The following AKAP8 variants were observed in gnomAD, a reference collection of about 807,000 sequenced individuals.
AKAP8 encodes A-kinase anchor protein 8.
In AKAP8, 24 loss-of-function variants were observed where a neutral mutation model predicts 67.5. That is an observed-to-expected ratio of 0.36 (90% confidence interval 0.26 to 0.50). The LOEUF is 0.50. Among genes scored for constraint, AKAP8 ranks in the 20% least tolerant of loss-of-function variants. AKAP8 has a pLI of 0.97. For missense variants in AKAP8, 971 were observed against 955.9 expected (o/e 1.02, Z -0.21); for synonymous variants, 400 against 371.1 (o/e 1.08, Z -0.90).
chr19:15,355,374 G>C lies in AKAP8; in HGVS notation c.1624-4C>G. On this transcript the variant is annotated splice_region_variant and splice_polypyrimidine_tract_variant and intron_variant, in intron 13 of 13. Coordinates refer to ENST00000269701, the MANE Select transcript of AKAP8 (RefSeq NM_005858.4). Reference sequence around the variant, plus strand: ...CACTGGTGAAAGGGTCCTCACCCTGGCCAAAGAGGAAACACCGGTCAGCGT... The same window carrying C: ...CACTGGTGAAAGGGTCCTCACCCTGCCCAAAGAGGAAACACCGGTCAGCGT... 1 of 1,608,944 alleles carries C rather than the reference G, an allele frequency of 6.2e-7. No homozygotes were observed. The highest frequency in any genetic ancestry group is 1.7e-5 in the Admixed American group (1 of 59,788).
chr19:15,377,059 A>G, intron 1 of AKAP8, 45 bp from the exon 2 acceptor site: 1 of 1,601,052 alleles, frequency 6.2e-7, no homozygotes, highest in South Asian at 1.1e-5. Flanking sequence ...GTCACACCAG[A>G]GAACGGGTCC....
Position 15,379,765 on chromosome 19 carries a change from C to CT in AKAP8, c.-35dup. The CT allele has an allele frequency of 6.2e-7, 1 of 1,610,148 alleles. No individual in the cohort carries two copies. Among genetic ancestry groups the CT allele is most frequent in the Non-Finnish European group, 8.5e-7 (1 of 1,178,616 alleles). ...CGCGGCCCACCAGCAGCCCCGTTTA[C>CT]TAGGCGACCACAGCACGCATGCGTT... On this transcript the variant is annotated 5_prime_UTR_variant, in exon 1 of 14. It removes the in-frame stop codon of an upstream open reading frame in the 5' UTR. Coordinates refer to ENST00000269701, the MANE Select transcript of AKAP8 (RefSeq NM_005858.4).
intron 9 of AKAP8, among the ~76,000 whole-genome samples, chr19:15,363,847 T>C (rs1967022214): frequency 6.6e-6 from 1 of 151,846 alleles, no homozygotes; most frequent in Non-Finnish European, 1.5e-5. Context: ...CCTGTTGATC[T>C]GTGACCTTAC....
At position 15,374,586 on chromosome 19, in the gene AKAP8, C is replaced by G. The variant is rs184999432; in HGVS notation, c.91+17G>C. 3,247 of 1,612,920 alleles carry G rather than the reference C, an allele frequency of 2.0e-3. 71 individuals carry two copies. The highest frequency in any genetic ancestry group is 2.2e-4 in the Non-Finnish European group (255 of 1,179,384). On this transcript the variant is annotated intron_variant, in intron 3 of 13. Coordinates refer to ENST00000269701, the MANE Select transcript of AKAP8 (RefSeq NM_005858.4). ...CCCACTTGCCCGCCCACAGACCCCCCCCACAGAAGGGCTTACCTTGCCAGC... is the reference window on the plus strand; with the variant it reads ...CCCACTTGCCCGCCCACAGACCCCCGCCACAGAAGGGCTTACCTTGCCAGC...
intron 13 of AKAP8, among the ~76,000 whole-genome samples, chr19:15,357,345 C>T (rs563549551): frequency 4.7e-4 from 65 of 138,228 alleles, no homozygotes; most frequent in African/African-American, 1.7e-3. Flanking sequence ...AGGAGAACGG[C>T]ATGAACCCAG....
Position 15,373,063 on chromosome 19 carries a change from A to G in AKAP8, c.649T>C (p.Ser217Pro). 1 of 1,607,256 alleles carries G rather than the reference A, an allele frequency of 6.2e-7. No homozygotes were observed. The highest frequency in any genetic ancestry group is 1.1e-5 in the South Asian group (1 of 90,542). ...TTCCAGGGCGTGGACAGGGGCTCAG[A>G]GGACGCAGCGGGGGGCACGAAGGGG... is the stretch of plus-strand genomic sequence containing the variant. Reference protein sequence around the residue: ...SDPFVPPAASSEPLSTPWNEL... With the variant: ...SDPFVPPAASPEPLSTPWNEL... Residue 217 changes from serine (S) to proline (P), a missense_variant, in exon 5 of 14, where the codon TCT becomes CCT. Around this residue, in one of 3 missense-constraint regions of AKAP8, gnomAD observed 763 missense variants for 745.4 expected, o/e 1.02. Transcript: ENST00000269701.
rs148893551 is a variant in AKAP8 at position 15,371,512 on chromosome 19, G to A, written c.1038+440C>T. Among the ~76,000 whole-genome samples, 804 of 149,358 alleles carry A rather than the reference G, an allele frequency of 5.4e-3. 8 individuals carry two copies. Among genetic ancestry groups the A allele is most frequent in the Middle Eastern group, 0.021 (6 of 292 alleles). ...AAAACTTTTTTTTTTTTTTTGAGAC[G>A]GAGTCTCCCTCTGTCGCCCAGGCTG... is the stretch of plus-strand genomic sequence containing the variant. On this transcript the variant is annotated intron_variant, in intron 7 of 13. Transcript: ENST00000269701.
Position 15,354,999 on chromosome 19 carries a change from G to A in AKAP8, c.1995C>T (p.Thr665=), listed in dbSNP as rs373178064. Residue 665 remains threonine, a synonymous_variant, in exon 14 of 14, where the codon ACC becomes ACT. Coordinates refer to ENST00000269701, the MANE Select transcript of AKAP8 (RefSeq NM_005858.4). ...TMAAEAESAQ[T]RVAPAPAAAD... is the part of the protein sequence containing the mutation. ...CGGCAGCTGGGGCAGGAGCAACTCTGGTTTGGGCACTTTCTGCCTCTGCTG... is the reference window on the plus strand; with the variant it reads ...CGGCAGCTGGGGCAGGAGCAACTCTAGTTTGGGCACTTTCTGCCTCTGCTG... The A allele has an allele frequency of 6.2e-7, 1 of 1,614,202 alleles. No homozygotes were observed. Among genetic ancestry groups the A allele is most frequent in the African/African-American group, 1.3e-5 (1 of 75,080 alleles).
In AKAP8 at chr19:15,366,219, C is replaced by G. The variant is rs564292671; in HGVS notation, c.1160+2016G>C. ...ATCTCTATACCCTTCTCCCAGTACTCTGGGAGGCCAACGCAGGAAGATCTC... is the reference window on the plus strand; with the variant it reads ...ATCTCTATACCCTTCTCCCAGTACTGTGGGAGGCCAACGCAGGAAGATCTC... On this transcript the variant is annotated intron_variant, in intron 9 of 13. Transcript: ENST00000269701. Among the ~76,000 whole-genome samples the G allele has an allele frequency of 2.0e-5, 3 of 147,510 alleles. No individual in the cohort carries two copies. The South Asian group carries it at 6.4e-4, about 32-fold the overall frequency.
intron 7 of AKAP8, among the ~76,000 whole-genome samples, chr19:15,371,554 C>T (rs888189227): frequency 1.5e-4 from 23 of 151,054 alleles, no homozygotes; most frequent in African/African-American, 2.4e-4. Flanking sequence ...AGTGATGCAA[C>T]GTCAGCTCAC....
intron 9 of AKAP8, among the ~76,000 whole-genome samples, chr19:15,366,600 C>T (rs555080532): frequency 4.6e-5 from 7 of 150,570 alleles, no homozygotes; most frequent in South Asian, 4.2e-4. Flanking sequence ...AGCACAATCT[C>T]GGCTCACTGA....
chr19:15,369,650 G>C lies in AKAP8; in HGVS notation c.1072+496C>G, dbSNP rs1273832694. Among the ~76,000 whole-genome samples, 1 of 152,218 alleles carries C rather than the reference G, an allele frequency of 6.6e-6. No homozygotes were observed. The highest frequency in any genetic ancestry group is 1.5e-5 in the Non-Finnish European group (1 of 68,034). ...GGGCCTGGGTGCTCCCGACCCCGCAGGTGTCTGCTGTCACACACTCGCAGG... is the reference window on the plus strand; with the variant it reads ...GGGCCTGGGTGCTCCCGACCCCGCACGTGTCTGCTGTCACACACTCGCAGG... On this transcript the variant is annotated intron_variant, in intron 8 of 13. Transcript: ENST00000269701. The surrounding 1 kb of genome is among the most constrained non-coding windows in gnomAD (Gnocchi z 4.6).
In AKAP8 at chr19:15,361,817, G is replaced by A. The variant is rs1966971264; in HGVS notation, c.1308C>T (p.Tyr436=). 1.9e-6 allele frequency: 3 copies of A among 1,613,116 alleles called. No individual in the cohort carries two copies. The highest frequency in any genetic ancestry group is 1.7e-5 in the Admixed American group (1 of 59,988). ...CAATTTTCTTATTTCTGTTTACAAT[G>A]TATTCCTAGGTGGGATTGGAGAGGG... ...PDKTVEFLQE[Y]IVNRNKKIEK... is the part of the protein sequence containing the mutation. The change falls in exon 11 of 14, where the codon TAC becomes TAT. Residue 436 remains tyrosine, a synonymous_variant. Transcript: ENST00000269701.
intron 9 of AKAP8, among the ~76,000 whole-genome samples, chr19:15,363,758 T>C (rs370999527): frequency 2.0e-5 from 3 of 152,196 alleles, no homozygotes; most frequent in Non-Finnish European, 2.9e-5. Context: ...GGATGGTTGC[T>C]GTGTCTGTGT....
In AKAP8 at chr19:15,369,209, G is replaced by A. The variant is rs190721887; in HGVS notation, c.1073-887C>T. The A allele has an allele frequency of 2.0e-5, 20 of 985,410 alleles. No individual in the cohort carries two copies. The highest frequency in any genetic ancestry group is 4.7e-5 in the South Asian group (1 of 21,298). The allele number at this position is 985,410 out of a possible 1,614,324, so 61.0% of individuals were successfully genotyped here. A position where few individuals can be genotyped will look rare whatever the true frequency, so the allele number is the denominator to read the frequency against. On this transcript the variant is annotated intron_variant, in intron 8 of 13. Transcript: ENST00000269701. This position sits in a 1 kb window ranked among gnomAD's most constrained non-coding sequence, Gnocchi z 4.6. ...TGCTGTTTAATAGCAAAGTCATCCC[G>A]GGTAGGTAGCAGGACCTGCGCGCAA...
chr19:15,363,452 C>A (rs1329064381), intron 9 of AKAP8, among the ~76,000 whole-genome samples: 1 of 148,620 alleles, frequency 6.7e-6, no homozygotes, highest in Non-Finnish European at 1.5e-5. Context: ...AGCCCCCCTG[C>A]CCGGCCAGCC....
At chr19:15,365,735 A>T (rs1052892052) in intron 9 of AKAP8, among the ~76,000 whole-genome samples, 7 of 152,150 alleles carry the variant, frequency 4.6e-5, no homozygotes, top group Admixed American at 4.6e-4. Flanking sequence ...CGAGATCCTC[A>T]GTCATGGCCA....
Position 15,354,808 on chromosome 19 carries a change from T to C in AKAP8, c.*107A>G. ...GCTGGGTCTCTTCACCAAAATTAGA[T>C]TACAGCATATTCTGGGAGCACACGC... is the stretch of plus-strand genomic sequence containing the variant. On this transcript the variant is annotated 3_prime_UTR_variant, in exon 14 of 14. Coordinates refer to ENST00000269701, the MANE Select transcript of AKAP8 (RefSeq NM_005858.4). 7.4e-7 allele frequency: 1 copy of C among 1,342,946 alleles called. No individual in the cohort carries two copies. 83.2% of individuals were successfully genotyped at this position (1,342,946 alleles called of 1,614,324 possible). A position where few individuals can be genotyped will look rare whatever the true frequency, so the allele number is the denominator to read the frequency against.
chr19:15,360,823 A>G, intron 12 of AKAP8, 25 bp downstream of exon 12: 1 of 1,607,214 alleles, frequency 6.2e-7, no homozygotes, highest in Non-Finnish European at 8.5e-7. Context: ...TGAGCACCCC[A>G]GGCAGTGTGG....
Sources: allele counts gnomAD v4.1 joint callset (sites outside exome capture counted in the v4.1 genomes callset), GRCh38; gene constraint gnomAD v4.1.1; regional missense constraint gnomAD v4.1.1; non-coding constraint Gnocchi (gnomAD v3.1); transcripts MANE v1.5; gene names NCBI Gene and HGNC (gene_info 2026-07-23, HGNC 2026-07-21).